The following ROBO2 variants were observed in gnomAD, a reference collection of about 807,000 sequenced individuals.
The protein encoded by ROBO2 is roundabout homolog 2.
Under a neutral mutation model 160.8 loss-of-function variants are expected in ROBO2, and 53 were observed. The observed-to-expected ratio is 0.33, with a 90% CI of 0.26 to 0.41. ROBO2 has a LOEUF of 0.41. Among genes scored for constraint, ROBO2 ranks in the 10% least tolerant of loss-of-function variants. ROBO2 has a pLI of 1.00. For synonymous variants in ROBO2, 664 were observed against 611.7 expected, an observed-to-expected ratio of 1.09 and a Z score of -1.26; for missense variants, 1,577 against 1,722.4, an observed-to-expected ratio of 0.92 and a Z score of 1.49.
chr3:76,953,540 G>A (rs1297742958), intron 2 of ROBO2, among the ~76,000 whole-genome samples: 1 of 152,144 alleles, frequency 6.6e-6, no homozygotes, highest in Non-Finnish European at 1.5e-5. Context: ...ACATGTTGCT[G>A]ATACTCATGT....
At chr3:76,588,613 AT>A (rs2086213383) in intron 2 of ROBO2, among the ~76,000 whole-genome samples, 6 of 152,194 alleles carry the variant, frequency 3.9e-5, no homozygotes, top group Admixed American at 3.9e-4. Context: ...AACGTTACAA[AT>A]AGTGTTATTT....
intron 2 of ROBO2, among the ~76,000 whole-genome samples, chr3:77,100,647 G>A (rs188463390): frequency 7.9e-5 from 12 of 152,190 alleles, no homozygotes; most frequent in African/African-American, 2.4e-4. Context: ...ACTGAAAGAG[G>A]TGTTAAGGAA....
Position 76,420,423 on chromosome 3 carries a change from T to C in ROBO2, c.109+482821T>C, listed in dbSNP as rs541117594. Among the ~76,000 whole-genome samples the C allele has an allele frequency of 5.3e-5, 8 of 152,308 alleles. No individual in the cohort carries two copies. In the South Asian group the frequency reaches 1.7e-3, roughly 32 times the overall value. Reference sequence around the variant, plus strand: ...CTGATGTGTTTAAATGATGACGTGTTAAAATTGCCGGCATTGATCTACTTC... The same window carrying C: ...CTGATGTGTTTAAATGATGACGTGTCAAAATTGCCGGCATTGATCTACTTC... On this transcript the variant is annotated intron_variant, in intron 2 of 26. Transcript: ENST00000487694.
intron 2 of ROBO2, among the ~76,000 whole-genome samples, chr3:77,006,163 G>A (rs1220902391): frequency 6.6e-6 from 1 of 151,908 alleles, no homozygotes; most frequent in African/African-American, 2.4e-5. Context: ...TGCCTGTTAT[G>A]TTTGTTAAGG....
intron 2 of ROBO2, among the ~76,000 whole-genome samples, chr3:76,144,957 G>T (rs928536194): frequency 1.3e-5 from 2 of 151,732 alleles, no homozygotes; most frequent in Non-Finnish European, 1.5e-5. Flanking sequence ...AAATGACCTT[G>T]TCATACAGCT....
chr3:76,302,343 T>C (rs546156223), intron 2 of ROBO2, among the ~76,000 whole-genome samples: 1 of 152,244 alleles, frequency 6.6e-6, no homozygotes, highest in African/African-American at 2.4e-5. Flanking sequence ...TATTTCTAAA[T>C]AGTAAAGTTA....
At chr3:75,990,395 A>G (rs1393035459) in intron 2 of ROBO2, among the ~76,000 whole-genome samples, 1 of 152,134 alleles carries the variant, frequency 6.6e-6, no homozygotes, top group African/African-American at 2.4e-5. Context: ...CTGGAACAGT[A>G]AAGGGGAAAC....
At chr3:77,474,264 CA>C (rs2083710007) in intron 2 of ROBO2, among the ~76,000 whole-genome samples, 3 of 152,106 alleles carry the variant, frequency 2.0e-5, no homozygotes, top group Admixed American at 6.5e-5. Flanking sequence ...AGTATATAAG[CA>C]TTGGTATACC....
chr3:76,346,562 G>A lies in ROBO2; in HGVS notation c.109+408960G>A, dbSNP rs559706950. ...ATGTAGTCTACAGTTGCATAATATA[G>A]CAGTTAGAAATGTGGGCAATGTCTA... On this transcript the variant is annotated intron_variant, in intron 2 of 26. Transcript: ENST00000487694. Among the ~76,000 whole-genome samples, 27 of 152,076 alleles carry A rather than the reference G, an allele frequency of 1.8e-4. No individual in the cohort carries two copies. The South Asian group carries it at 2.5e-3, about 14-fold the overall frequency.
chr3:76,942,311 C>T (rs930641384), intron 2 of ROBO2, among the ~76,000 whole-genome samples: 5 of 152,186 alleles, frequency 3.3e-5, no homozygotes, highest in African/African-American at 7.2e-5. Context: ...CAAAGCACAC[C>T]TCACTTTTAC....
At chr3:77,578,291 T>C (rs926993561) in intron 15 of ROBO2, among the ~76,000 whole-genome samples, 4 of 152,142 alleles carry the variant, frequency 2.6e-5, no homozygotes, top group African/African-American at 9.6e-5. Flanking sequence ...TCTGTTTGTG[T>C]TGTGATTAGA....
chr3:77,434,581 G>T (rs1454746095), intron 2 of ROBO2, among the ~76,000 whole-genome samples: 2 of 152,088 alleles, frequency 1.3e-5, no homozygotes, highest in Non-Finnish European at 2.9e-5. Flanking sequence ...GAACTAGGTA[G>T]AACTAAGTTT....
At chr3:76,552,923 G>A (rs78353708) in intron 2 of ROBO2, among the ~76,000 whole-genome samples, 4,436 of 152,248 alleles carry the variant, frequency 0.029, 173 homozygotes, top group African/African-American at 0.089. Flanking sequence ...TTTATTTTAA[G>A]AGCAATAGGA....
intron 2 of ROBO2, among the ~76,000 whole-genome samples, chr3:76,744,007 A>G (rs1560483283): frequency 1.3e-5 from 2 of 152,148 alleles, no homozygotes; most frequent in Non-Finnish European, 2.9e-5. Flanking sequence ...AAATTTATTG[A>G]ATAACTACTG....
intron 2 of ROBO2, among the ~76,000 whole-genome samples, chr3:77,023,024 C>T (rs997165845): frequency 6.6e-6 from 1 of 152,108 alleles, no homozygotes. Flanking sequence ...CTAGGAATCT[C>T]ATATATACAA....
intron 2 of ROBO2, among the ~76,000 whole-genome samples, chr3:76,789,004 G>A (rs907957555): frequency 1.3e-5 from 2 of 151,370 alleles, no homozygotes; most frequent in African/African-American, 4.8e-5. Flanking sequence ...ATGTCAAGTC[G>A]AACACCTGGG....
rs143632884 is a variant in ROBO2, at chr3:77,456,565, A to G, written c.389-20849A>G. On this transcript the variant is annotated intron_variant, in intron 2 of 25. Transcript: ENST00000461745. The stretch of plus-strand genomic sequence containing the variant: ...GAGAAATTCAGTGGCGAATCCAAAA[A>G]GAAAAGAAAAGAAAACAAACAGACT... Among the ~76,000 whole-genome samples, 95 of 152,344 alleles carry G rather than the reference A, an allele frequency of 6.2e-4. No individual in the cohort carries two copies. The East Asian group carries it at 0.012, about 20-fold the overall frequency.
chr3:76,882,980 C>A (rs946360796), intron 2 of ROBO2, among the ~76,000 whole-genome samples: 2 of 152,126 alleles, frequency 1.3e-5, no homozygotes, highest in African/African-American at 4.8e-5. Flanking sequence ...TTACTTGTAT[C>A]TGTAAAAGGA....
chr3:77,403,021 G>A (rs1047999227), intron 2 of ROBO2, among the ~76,000 whole-genome samples: 3 of 152,010 alleles, frequency 2.0e-5, no homozygotes, highest in Non-Finnish European at 4.4e-5. Context: ...CTACAGACCC[G>A]TACAGATACA....
Sources: allele counts gnomAD v4.1 joint callset (sites outside exome capture counted in the v4.1 genomes callset), GRCh38; gene constraint gnomAD v4.1.1; transcripts MANE v1.5; gene names NCBI Gene and HGNC (gene_info 2026-07-23, HGNC 2026-07-21).